The following CELF2 variants were observed in gnomAD, a reference collection of about 807,000 sequenced individuals.
CELF2 encodes CUGBP Elav-like family member 2.
In CELF2, 8 loss-of-function variants were observed where a neutral mutation model predicts 62.6. The ratio of observed to expected loss-of-function variants is 0.13; its 90% CI spans 0.07 to 0.23. The LOEUF is 0.23. Ranked by LOEUF, CELF2 falls within the 10% of genes least tolerant of loss-of-function variation. The pLI, the probability that CELF2 is intolerant of heterozygous loss-of-function variation, is 1.00. For synonymous variants in CELF2, 258 were observed against 250.0 expected (o/e 1.03, Z -0.30); for missense variants, 333 against 671.0 (o/e 0.50, Z 5.56).
At chr10:11,175,670 T>C (rs1380118547) in intron 2 of CELF2, among the ~76,000 whole-genome samples, 1 of 152,170 alleles carries the variant, frequency 6.6e-6, no homozygotes, top group Non-Finnish European at 1.5e-5. Flanking sequence ...CAGAGCCCTT[T>C]TGTAACAATG....
intron 1 of CELF2, among the ~76,000 whole-genome samples, chr10:10,877,049 TG>T (rs2061143584): frequency 6.6e-6 from 1 of 152,218 alleles, no homozygotes; most frequent in Non-Finnish European, 1.5e-5. Context: ...AGAGTCCTAT[TG>T]CAGGAGGCAT....
At chr10:11,004,158 C>T (rs2054813802), upstream of CELF2, among the ~76,000 whole-genome samples, 7 of 152,272 alleles carry the variant, frequency 4.6e-5, no homozygotes, top group South Asian at 1.5e-3. This position sits in a 1 kb window ranked among gnomAD's most constrained non-coding sequence, Gnocchi z 5.0. Context: ...GAACAGAGTC[C>T]ACCATTACTT....
the CELF2 span, among the ~76,000 whole-genome samples, chr10:10,545,138 C>T: frequency 1.3e-4 from 20 of 152,168 alleles, no homozygotes; most frequent in Non-Finnish European, 2.2e-4. Context: ...CAAGGGACCA[C>T]AATACAACCT....
intron 2 of CELF2, among the ~76,000 whole-genome samples, chr10:10,973,196 G>A (rs532467803): frequency 5.1e-4 from 77 of 152,068 alleles, no homozygotes; most frequent in Admixed American, 4.8e-3. Context: ...CAGGAGGATC[G>A]CTTGAGCCCA....
the CELF2 span, among the ~76,000 whole-genome samples, chr10:10,598,099 T>C: frequency 5.3e-5 from 8 of 152,176 alleles, no homozygotes; most frequent in Non-Finnish European, 1.0e-4. Flanking sequence ...CCTATATTTA[T>C]ATGAAATGGT....
intron 11 of CELF2, among the ~76,000 whole-genome samples, chr10:11,323,208 C>A (rs943573410): frequency 6.6e-6 from 1 of 151,976 alleles, no homozygotes; most frequent in Non-Finnish European, 1.5e-5. Context: ...CCAAAATAAC[C>A]ATTGCCCACT....
Position 11,049,558 on chromosome 10 carries a change from T to TAAAAA in CELF2, c.74+31415_74+31419dup, listed in dbSNP as rs368708381. Among the ~76,000 whole-genome samples the TAAAAA allele has an allele frequency of 4.5e-3, 433 of 96,850 alleles. 3 individuals carry two copies. The South Asian group carries it at 0.046, about 10-fold the overall frequency. 63.5% of individuals were successfully genotyped at this position (96,850 alleles called of 152,430 possible). Reference sequence around the variant, plus strand: ...TATTTGTTCCTATCCCTTTCTTTAGTAAAAAAAAAAAAAAAAAAAAAAAAT... The same window carrying TAAAAA: ...TATTTGTTCCTATCCCTTTCTTTAGTAAAAAAAAAAAAAAAAAAAAAAAAAAAAAT... On this transcript the variant is annotated intron_variant, in intron 1 of 12. Transcript: ENST00000633077.
At chr10:10,491,396 T>C in the CELF2 span, among the ~76,000 whole-genome samples, 1 of 152,200 alleles carries the variant, frequency 6.6e-6, no homozygotes, top group Non-Finnish European at 1.5e-5. Flanking sequence ...GAAATAGTTT[T>C]GAATTCATTT....
chr10:10,719,728 A>G, the CELF2 span, among the ~76,000 whole-genome samples: 2 of 152,172 alleles, frequency 1.3e-5, no homozygotes, highest in Admixed American at 1.3e-4. Context: ...TGCCTCATCT[A>G]ATCTGTAGAG....
At chr10:11,194,418 A>G (rs924762567) in intron 2 of CELF2, among the ~76,000 whole-genome samples, 4 of 152,216 alleles carry the variant, frequency 2.6e-5, no homozygotes, top group Non-Finnish European at 5.9e-5. Flanking sequence ...GAGAAAATTC[A>G]AAATTTTTAA....
At chr10:10,504,830 T>C in the CELF2 span, among the ~76,000 whole-genome samples, 62 of 152,294 alleles carry the variant, frequency 4.1e-4, no homozygotes, top group African/African-American at 1.4e-3. Flanking sequence ...ATGCATCCAC[T>C]GAGCTTTTTA....
At chr10:10,603,709 T>C in the CELF2 span, among the ~76,000 whole-genome samples, 1 of 152,154 alleles carries the variant, frequency 6.6e-6, no homozygotes, top group East Asian at 1.9e-4. Context: ...TGTAGGTCTC[T>C]AGTGTTATTA....
chr10:11,082,864 C>G (rs2074392006), intron 1 of CELF2, among the ~76,000 whole-genome samples: 2 of 152,184 alleles, frequency 1.3e-5, no homozygotes, highest in African/African-American at 4.8e-5. Flanking sequence ...GCAAAATGGT[C>G]AGAATTTGTT....
chr10:10,812,125 G>C (rs1417305541), intron 1 of CELF2, among the ~76,000 whole-genome samples: 1 of 152,006 alleles, frequency 6.6e-6, no homozygotes, highest in Non-Finnish European at 1.5e-5. Flanking sequence ...CCCGAGAGTG[G>C]GTGAGTTATA....
At chr10:11,166,507 G>C (rs1488857949) in intron 2 of CELF2, among the ~76,000 whole-genome samples, 1 of 152,166 alleles carries the variant, frequency 6.6e-6, no homozygotes, top group East Asian at 1.9e-4. Flanking sequence ...TATCTACTCT[G>C]CTGCTACCAC....
chr10:11,031,060 A>C (rs1273306696), intron 1 of CELF2, among the ~76,000 whole-genome samples: 1 of 152,156 alleles, frequency 6.6e-6, no homozygotes, highest in Non-Finnish European at 1.5e-5. Context: ...ATTTTCCCCC[A>C]TTAACTTCCA....
the CELF2 span, among the ~76,000 whole-genome samples, chr10:10,588,240 G>C: frequency 2.6e-5 from 4 of 152,148 alleles, no homozygotes; most frequent in Non-Finnish European, 5.9e-5. Context: ...CAGGGGATTG[G>C]AATTTGGAAC....
At chr10:10,767,161 G>T in the CELF2 span, among the ~76,000 whole-genome samples, 3 of 152,156 alleles carry the variant, frequency 2.0e-5, no homozygotes, top group East Asian at 5.8e-4. Context: ...CCATAAACCA[G>T]TCCCAAGTCA....
the CELF2 span, among the ~76,000 whole-genome samples, chr10:10,604,889 G>A: frequency 3.9e-5 from 6 of 152,178 alleles, no homozygotes; most frequent in South Asian, 1.2e-3. Flanking sequence ...AAATAAAAAT[G>A]CATAACTCTG....
Sources: allele counts gnomAD v4.1 joint callset (sites outside exome capture counted in the v4.1 genomes callset), GRCh38; gene constraint gnomAD v4.1.1; non-coding constraint Gnocchi (gnomAD v3.1); transcripts MANE v1.5; gene names NCBI Gene and HGNC (gene_info 2026-07-23, HGNC 2026-07-21).